MTUS2: variants seen among roughly 807,000 people sequenced by gnomAD.
MTUS2 encodes the protein microtubule associated scaffold protein 2.
In MTUS2, 40 loss-of-function variants were observed where a neutral mutation model predicts 114.1. That is an observed-to-expected ratio of 0.35 (90% CI 0.27 to 0.46). The LOEUF is 0.46. Ranked by LOEUF, MTUS2 falls within the 20% of genes least tolerant of loss-of-function variation. The pLI is 1.00. For synonymous variants in MTUS2, 688 were observed against 672.0 expected, an observed-to-expected ratio of 1.02 and a Z score of -0.37; for missense variants, 1,679 against 1,705.4, an observed-to-expected ratio of 0.98 and a Z score of 0.27.
chr13:28,936,025 G>A (rs1881885141), intron 2 of MTUS2, among the ~76,000 whole-genome samples: 1 of 152,160 alleles, frequency 6.6e-6, no homozygotes, highest in Non-Finnish European at 1.5e-5. Context: ...GGGATTACAG[G>A]TGTGAGCCAC....
intron 4 of MTUS2, among the ~76,000 whole-genome samples, chr13:29,071,284 G>A (rs1234127158): frequency 6.7e-6 from 1 of 149,852 alleles, no homozygotes; most frequent in Non-Finnish European, 1.5e-5. Context: ...ACAGGTGTGA[G>A]CCACCGTGCC....
chr13:29,344,377 G>GAA (rs1868459421), intron 7 of MTUS2, among the ~76,000 whole-genome samples: 1 of 151,984 alleles, frequency 6.6e-6, no homozygotes, highest in African/African-American at 2.4e-5. Context: ...TTTCCTGTTG[G>GAA]ACTAGTCCTT....
intron 2 of MTUS2, among the ~76,000 whole-genome samples, chr13:28,864,273 C>T (rs368715527): frequency 3.2e-4 from 48 of 152,280 alleles, no homozygotes; most frequent in East Asian, 7.7e-4. Flanking sequence ...ACTACATGCT[C>T]ATCATAGCAA....
At chr13:29,412,474 T>C (rs1875324338) in intron 8 of MTUS2, among the ~76,000 whole-genome samples, 1 of 152,204 alleles carries the variant, frequency 6.6e-6, no homozygotes, top group Non-Finnish European at 1.5e-5. Context: ...TGTTTGCTAT[T>C]ATACAGTCGT....
At chr13:29,069,092 G>T (rs1353008138) in intron 4 of MTUS2, among the ~76,000 whole-genome samples, 2 of 152,130 alleles carry the variant, frequency 1.3e-5, no homozygotes, top group African/African-American at 4.8e-5. Context: ...AAGTAGATGG[G>T]TTTAAGGAGG....
chr13:29,308,093 G>T (rs930456221), intron 6 of MTUS2, among the ~76,000 whole-genome samples: 2 of 152,146 alleles, frequency 1.3e-5, no homozygotes, highest in African/African-American at 2.4e-5. Context: ...ATCCTGAATA[G>T]CCAAGACAAT....
intron 5 of MTUS2, among the ~76,000 whole-genome samples, chr13:29,191,232 A>C (rs1048117220): frequency 8.5e-5 from 13 of 152,078 alleles, no homozygotes; most frequent in African/African-American, 3.1e-4. Flanking sequence ...AAGGAATGGA[A>C]ATGGGAAAAT....
intron 4 of MTUS2, among the ~76,000 whole-genome samples, chr13:29,090,899 C>T (rs1889914595): frequency 6.6e-6 from 1 of 152,208 alleles, no homozygotes; most frequent in African/African-American, 2.4e-5. Flanking sequence ...CCTCTCCAGG[C>T]AGTTCTCCCC....
intron 4 of MTUS2, among the ~76,000 whole-genome samples, chr13:29,050,100 T>C (rs1180665695): frequency 1.3e-5 from 2 of 152,132 alleles, no homozygotes; most frequent in African/African-American, 4.8e-5. Flanking sequence ...CACCTCCCTA[T>C]TCCCCTTTCT....
rs542213859 is a variant in MTUS2 at position 29,173,465 on chromosome 13, T to C, written c.2644+72495T>C. On this transcript the variant is annotated intron_variant, in intron 5 of 15. Transcript: ENST00000612955. ...ATTTTAGAATTGGTTTACCTTCACA[T>C]TTCAATTTATGCATTTCCTTATAAA... Among the ~76,000 whole-genome samples the C allele has an allele frequency of 5.3e-5, 8 of 152,342 alleles. No homozygotes were observed. The South Asian group carries it at 1.4e-3, about 28-fold the overall frequency.
chr13:28,847,635 T>C (rs1173154739), intron 2 of MTUS2, among the ~76,000 whole-genome samples: 1 of 152,210 alleles, frequency 6.6e-6, no homozygotes, highest in Admixed American at 6.5e-5. Context: ...CTTTCCTGTG[T>C]GGCCTAGTTC....
At chr13:28,876,168 G>A (rs1180555301) in intron 2 of MTUS2, among the ~76,000 whole-genome samples, 3 of 152,158 alleles carry the variant, frequency 2.0e-5, no homozygotes, top group African/African-American at 7.2e-5. Flanking sequence ...TGGATTCCCA[G>A]TTGGAGATGA....
In MTUS2 at chr13:29,504,177, A is replaced by G. The variant is rs1883085483; in HGVS notation, c.*971A>G. On this transcript the variant is annotated 3_prime_UTR_variant, in exon 16 of 16. Transcript: ENST00000612955. ...TTCGCGCTCCATCCTCATGAAGGAAATTGCTGCCAAGGTCTGTATTTTGAC... is the reference window on the plus strand; with the variant it reads ...TTCGCGCTCCATCCTCATGAAGGAAGTTGCTGCCAAGGTCTGTATTTTGAC... 1 of 232,316 alleles carries G rather than the reference A, an allele frequency of 4.3e-6. No homozygotes were observed. The highest frequency in any genetic ancestry group is 1.8e-4 in the South Asian group (1 of 5,510). The allele number at this position is 232,316 out of a possible 1,614,324, so 14.4% of individuals were successfully genotyped here. A position where few individuals can be genotyped will look rare whatever the true frequency, so the allele number is the denominator to read the frequency against.
At chr13:29,484,525 A>C (rs565216130) in intron 10 of MTUS2, among the ~76,000 whole-genome samples, 208 of 152,334 alleles carry the variant, frequency 1.4e-3, no homozygotes, top group African/African-American at 4.5e-3. Context: ...ACAGCCCCGC[A>C]TGGGATGACA....
At chr13:29,375,098 A>G (rs574522345) in intron 8 of MTUS2, among the ~76,000 whole-genome samples, 17 of 152,296 alleles carry the variant, frequency 1.1e-4, no homozygotes, top group African/African-American at 3.8e-4. Flanking sequence ...GTGGTTTTAG[A>G]TTGGTGCAAA....
At chr13:28,967,958 GTTTATT>G (rs1566258788) in intron 2 of MTUS2, among the ~76,000 whole-genome samples, 2 of 152,104 alleles carry the variant, frequency 1.3e-5, no homozygotes, top group African/African-American at 4.8e-5. Context: ...TTTCAATAGC[GTTTATT>G]TTTATAGTTC....
At chr13:29,327,466 T>C (rs1406663276) in intron 7 of MTUS2, among the ~76,000 whole-genome samples, 1 of 152,194 alleles carries the variant, frequency 6.6e-6, no homozygotes, top group Non-Finnish European at 1.5e-5. Flanking sequence ...TTAGTTTGTA[T>C]TTTCTAAAAT....
intron 2 of MTUS2, among the ~76,000 whole-genome samples, chr13:29,019,751 T>C (rs1196893312): frequency 6.6e-6 from 1 of 152,262 alleles, no homozygotes; most frequent in Non-Finnish European, 1.5e-5. Flanking sequence ...TGCTTTCTTA[T>C]GACTCTAGAT....
At chr13:28,901,585 A>G (rs1879646156) in intron 2 of MTUS2, among the ~76,000 whole-genome samples, 1 of 152,196 alleles carries the variant, frequency 6.6e-6, no homozygotes, top group Admixed American at 6.5e-5. Context: ...CTATTGATAC[A>G]CAACAGCTCC....
Sources: allele counts gnomAD v4.1 joint callset (sites outside exome capture counted in the v4.1 genomes callset), GRCh38; gene constraint gnomAD v4.1.1; transcripts MANE v1.5; gene names NCBI Gene and HGNC (gene_info 2026-07-23, HGNC 2026-07-21).